The following VSIG4 variants were observed in gnomAD, a reference collection of about 807,000 sequenced individuals.
VSIG4 encodes the protein V-set and immunoglobulin domain containing 4, also known as V-set and immunoglobulin domain-containing protein 4.
VSIG4 carries 34 observed loss-of-function variants against 23.4 expected under a neutral mutation model. That is an observed-to-expected ratio of 1.45 (90% CI 1.10 to 1.93). The LOEUF is 1.93. Ranked by LOEUF, VSIG4 falls within the 30% of genes most tolerant of loss-of-function variation. The pLI, the probability that VSIG4 is intolerant of heterozygous loss-of-function variation, is 0.00. For missense variants in VSIG4, 433 were observed against 310.8 expected (o/e 1.39, Z -2.96); for synonymous variants, 169 against 120.3 (o/e 1.41, Z -2.65).
chrX:66,028,195 A>G, intron 3 of VSIG4, 83 bp from the exon 4 acceptor site: 1 of 877,091 alleles, frequency 1.1e-6, no homozygotes, highest in Non-Finnish European at 1.7e-6. Context: ...GGAAGTAAGT[A>G]AAGGCCATTC....
Sources: gnomAD v4.1 joint callset for allele counts on GRCh38, gnomAD v4.1.1 for gene constraint, MANE v1.5 for transcripts, NCBI Gene and HGNC (gene_info 2026-07-23, HGNC 2026-07-21) for gene names.